Variants in FBLN1 observed in about 807,000 individuals in gnomAD.
FBLN1 encodes the protein fibulin-1.
A neutral mutation model predicts 89.7 loss-of-function variants in FBLN1; 34 were observed. That is an observed-to-expected ratio of 0.38 (90% CI 0.29 to 0.50). The LOEUF is 0.50. FBLN1 is among the 20% of genes least tolerant of loss of function. FBLN1 has a pLI of 0.92. For missense variants in FBLN1, 777 were observed against 988.1 expected, an observed-to-expected ratio of 0.79 and a Z score of 2.86; for synonymous variants, 393 against 391.3, an observed-to-expected ratio of 1.00 and a Z score of -0.05.
At chr22:45,592,619 C>T (rs917003497) in intron 16 of FBLN1, among the ~76,000 whole-genome samples, 1 of 152,240 alleles carries the variant, frequency 6.6e-6, no homozygotes, top group Non-Finnish European at 1.5e-5. Context: ...TGAGTCACCA[C>T]GCCCGGCCGC....
intron 1 of FBLN1, among the ~76,000 whole-genome samples, chr22:45,504,341 G>A (rs1419899176): frequency 6.6e-6 from 1 of 152,150 alleles, no homozygotes; most frequent in Non-Finnish European, 1.5e-5. Context: ...CACCTCGTGG[G>A]GTTGGAGATG....
chr22:45,537,862 G>T lies in FBLN1; in HGVS notation c.922+2525G>T, dbSNP rs948623423. 1.3e-5 allele frequency among the ~76,000 whole-genome samples: 2 copies of T among 152,212 alleles called. No individual in the cohort carries two copies. The highest frequency in any genetic ancestry group is 2.9e-5 in the Non-Finnish European group (2 of 68,028). On this transcript the variant is annotated intron_variant, in intron 8 of 16. Coordinates refer to ENST00000327858, the MANE Select transcript of FBLN1 (RefSeq NM_006486.3). The surrounding 1 kb of genome is among the most constrained non-coding windows in gnomAD (Gnocchi z 5.7). ...AGCAGGGAAGCCATGGGCTCTCCGG[G>T]ACCAGCGGGGAGGATAGTCCTGCTC...
intron 8 of FBLN1, among the ~76,000 whole-genome samples, chr22:45,540,086 T>G (rs571771624): frequency 3.3e-5 from 5 of 152,308 alleles, no homozygotes; most frequent in African/African-American, 1.2e-4. Context: ...TAATAAAACT[T>G]TATTTACAAA....
rs1453621828 is a variant in FBLN1 at position 45,557,351 on chromosome 22, T to G, written c.1697+6736T>G. On this transcript the variant is annotated intron_variant, in intron 14 of 16. Transcript: ENST00000327858. This position sits in a 1 kb window ranked among gnomAD's most constrained non-coding sequence, Gnocchi z 4.9. ...TGAGGACAAACCTCTGCCATTTCCA[T>G]GATGGAAGAGGTCCAGTATAATCAA... Among the ~76,000 whole-genome samples, 1 of 152,210 alleles carries G rather than the reference T, an allele frequency of 6.6e-6. No individual in the cohort carries two copies. Among genetic ancestry groups the G allele is most frequent in the African/African-American group, 2.4e-5 (1 of 41,446 alleles).
At chr22:45,593,251 G>A (rs2089155038) in intron 16 of FBLN1, among the ~76,000 whole-genome samples, 1 of 147,836 alleles carries the variant, frequency 6.8e-6, no homozygotes, top group African/African-American at 2.5e-5. Flanking sequence ...AGATGGCTTC[G>A]AGATGGGGCC....
chr22:45,584,796 G>T (rs2089070785), intron 16 of FBLN1, among the ~76,000 whole-genome samples: 1 of 152,236 alleles, frequency 6.6e-6, no homozygotes, highest in Non-Finnish European at 1.5e-5. Flanking sequence ...GCCCAAAGTG[G>T]CTCCAACTGC....
chr22:45,559,676 C>T (rs1427138206), intron 14 of FBLN1, among the ~76,000 whole-genome samples: 1 of 152,188 alleles, frequency 6.6e-6, no homozygotes, highest in Non-Finnish European at 1.5e-5. Flanking sequence ...TCCTTAAGCC[C>T]CTATTTAACT....
chr22:45,546,981 C>G (rs1000794640), intron 11 of FBLN1, 104 bp from the exon 12 acceptor site: 13 of 1,567,820 alleles, frequency 8.3e-6, no homozygotes, highest in South Asian at 1.1e-5. Context: ...GTGTGTTAAC[C>G]TGAGGGAGGT....
rs765520663 is a variant in FBLN1, at chr22:45,563,429, C to T, written c.1698-11082C>T. ...GTGCCGCTTGTTACCCGGGGGTGAG[C>T]TGGGCACTGGCCACCGCCTGGTACC... On this transcript the variant is annotated intron_variant, in intron 14 of 16. Coordinates refer to ENST00000327858, the MANE Select transcript of FBLN1 (RefSeq NM_006486.3). The surrounding 1 kb of genome is among the most constrained non-coding windows in gnomAD (Gnocchi z 5.7). 7.5e-6 allele frequency: 11 copies of T among 1,462,054 alleles called. No homozygotes were observed. Among genetic ancestry groups the T allele is most frequent in the Non-Finnish European group, 9.1e-6 (10 of 1,095,552 alleles). 90.6% of individuals were successfully genotyped at this position (1,462,054 alleles called of 1,614,324 possible). A position where few individuals can be genotyped will look rare whatever the true frequency, so the allele number is the denominator to read the frequency against.
At chr22:45,510,169 G>A (rs563362258) in intron 1 of FBLN1, among the ~76,000 whole-genome samples, 1 of 151,968 alleles carries the variant, frequency 6.6e-6, no homozygotes, top group Non-Finnish European at 1.5e-5. Context: ...ATCTCATATC[G>A]TCACCACTTC....
chr22:45,505,137 G>C (rs931003224), intron 1 of FBLN1, among the ~76,000 whole-genome samples: 1 of 152,228 alleles, frequency 6.6e-6, no homozygotes, highest in Non-Finnish European at 1.5e-5. Context: ...GAGAGGAGCC[G>C]CCTGTCTGTC....
chr22:45,550,591 A>G lies in FBLN1; in HGVS notation c.1673A>G (p.Glu558Gly). 1.9e-6 allele frequency: 3 copies of G among 1,614,074 alleles called. No homozygotes were observed. The highest frequency in any genetic ancestry group is 1.3e-5 in the African/African-American group (1 of 75,044). ...CGCTGCCTGGCCTTCGAGTGCCCTGAGAACTACCGCCGCTCCGCAGCCACG... is the reference window on the plus strand; with the variant it reads ...CGCTGCCTGGCCTTCGAGTGCCCTGGGAACTACCGCCGCTCCGCAGCCACG... ...GFRCLAFECPENYRRSAATLQ... is the reference protein window; with the variant it reads ...GFRCLAFECPGNYRRSAATLQ... The change falls in exon 14 of 17, where the codon GAG becomes GGG. Residue 558 changes from glutamate to glycine, a missense_variant. Physicochemically the swap from Glu to Gly is moderately conservative, Grantham distance 98 (BLOSUM62 -2). Coordinates refer to ENST00000327858, the MANE Select transcript of FBLN1 (RefSeq NM_006486.3). This position sits in a 1 kb window ranked among gnomAD's most constrained non-coding sequence, Gnocchi z 8.4.
rs139939070 is a variant in FBLN1, at chr22:45,547,131, C to T, written c.1368C>T (p.Asn456=). 1.3e-3 allele frequency: 2,152 copies of T among 1,614,122 alleles called. 8 individuals carry two copies. Among genetic ancestry groups the T allele is most frequent in the African/African-American group, 0.011 (841 of 75,042 alleles). The change falls in exon 12 of 17, where the codon AAC becomes AAT. Residue 456 remains asparagine (N), a synonymous_variant. Transcript: ENST00000327858. ...SSSPCSQECA[N]VYGSYQCYCR... ...GCCCCTGTAGCCAGGAGTGTGCCAA[C>T]GTCTACGGCTCCTACCAGTGTTACT...
At chr22:45,586,983 G>A (rs1394444437) in intron 16 of FBLN1, among the ~76,000 whole-genome samples, 1 of 152,138 alleles carries the variant, frequency 6.6e-6, no homozygotes, top group Non-Finnish European at 1.5e-5. Flanking sequence ...TTGACATGCT[G>A]CCGTTCTCGT....
Position 45,562,465 on chromosome 22 carries a change from G to A in FBLN1, c.1697+11850G>A, listed in dbSNP as rs2088859579. Among the ~76,000 whole-genome samples the A allele has an allele frequency of 6.6e-6, 1 of 152,234 alleles. No homozygotes were observed. The highest frequency in any genetic ancestry group is 2.1e-4 in the South Asian group (1 of 4,830). ...AGAGTGCATGGTGAGGAAGAGCTGAGCACTTGGTAAACGGCAGCAGCTCTG... is the reference window on the plus strand; with the variant it reads ...AGAGTGCATGGTGAGGAAGAGCTGAACACTTGGTAAACGGCAGCAGCTCTG... On this transcript the variant is annotated intron_variant, in intron 14 of 16. Coordinates refer to ENST00000327858, the MANE Select transcript of FBLN1 (RefSeq NM_006486.3). The surrounding 1 kb of genome is among the most constrained non-coding windows in gnomAD (Gnocchi z 7.8).
rs1033007222 is a variant in FBLN1 at position 45,581,365 on chromosome 22, ATG to A, written c.1972+4264_1972+4265del. ...CCTCCACTCAGCCTCAAGACCCAGC[ATG>A]TGTGTGACCACTTCCAAGAAGCCTC... On this transcript the variant is annotated intron_variant, in intron 16 of 16. Coordinates refer to ENST00000327858, the MANE Select transcript of FBLN1 (RefSeq NM_006486.3). This position sits in a 1 kb window ranked among gnomAD's most constrained non-coding sequence, Gnocchi z 7.6. 1.3e-5 allele frequency among the ~76,000 whole-genome samples: 2 copies of A among 151,858 alleles called. No homozygotes were observed. The highest frequency in any genetic ancestry group is 4.8e-5 in the African/African-American group (2 of 41,354).
At chr22:45,510,875 A>G (rs2088090496) in intron 1 of FBLN1, among the ~76,000 whole-genome samples, 1 of 152,150 alleles carries the variant, frequency 6.6e-6, no homozygotes, top group African/African-American at 2.4e-5. Context: ...CCAGGCAACA[A>G]ACGGTATCTG....
chr22:45,584,349 T>G (rs1312773636), intron 16 of FBLN1, among the ~76,000 whole-genome samples: 1 of 152,236 alleles, frequency 6.6e-6, no homozygotes, highest in African/African-American at 2.4e-5. Flanking sequence ...CCACAGTTTA[T>G]GTTTTGAAAT....
At position 45,600,734 on chromosome 22, in the gene FBLN1, G is replaced by A. The variant is rs1920925901; in HGVS notation, c.*288G>A. The A allele has an allele frequency of 4.3e-6, 2 of 466,396 alleles. No individual in the cohort carries two copies. The highest frequency in any genetic ancestry group is 4.4e-5 in the South Asian group (2 of 45,966). The allele number at this position is 466,396 out of a possible 1,614,324, so 28.9% of individuals were successfully genotyped here. On this transcript the variant is annotated 3_prime_UTR_variant, in exon 17 of 17. Transcript: ENST00000327858. ...CTGCCTCTGGCTGGGCCTTGCTAAG[G>A]GCCAAGGAAAGAAAGACATTTTTTA...
Sources: gnomAD v4.1 joint callset for allele counts (sites outside exome capture counted in the v4.1 genomes callset) on GRCh38, gnomAD v4.1.1 for gene constraint, Gnocchi (gnomAD v3.1) non-coding constraint, MANE v1.5 for transcripts, NCBI Gene and HGNC (gene_info 2026-07-23, HGNC 2026-07-21) for gene names.